The following LY96 variants were observed in gnomAD, a reference collection of about 807,000 sequenced individuals.
The protein encoded by LY96 is myeloid differentiation protein-2.
LY96 carries 18 observed loss-of-function variants against 18.9 expected under a neutral mutation model. The ratio of observed to expected loss-of-function variants is 0.95; its 90% CI spans 0.66 to 1.41. The LOEUF (loss-of-function observed/expected upper bound fraction) is 1.41. Ranked by LOEUF, LY96 falls within the 40% of genes most tolerant of loss-of-function variation. The pLI is 0.00. For synonymous variants in LY96, 66 were observed against 62.6 expected, an observed-to-expected ratio of 1.06 and a Z score of -0.26; for missense variants, 175 against 182.4, an observed-to-expected ratio of 0.96 and a Z score of 0.23.
At chr8:74,064,502 C>G in the LY96 span, among the ~76,000 whole-genome samples, 2 of 152,100 alleles carry the variant, frequency 1.3e-5, no homozygotes, top group Non-Finnish European at 2.9e-5. Context: ...TTTTCACCAG[C>G]CAACTTTAAG....
intron 1 of LY96, among the ~76,000 whole-genome samples, chr8:73,999,231 A>G (rs1335921846): frequency 6.6e-6 from 1 of 151,906 alleles, no homozygotes; most frequent in Non-Finnish European, 1.5e-5. Flanking sequence ...CAGCCTCCCA[A>G]AGTGTTGGGA....
the LY96 span, among the ~76,000 whole-genome samples, chr8:74,052,961 A>G: frequency 1.3e-5 from 2 of 152,188 alleles, no homozygotes; most frequent in Non-Finnish European, 2.9e-5. Flanking sequence ...TTTATGTGAA[A>G]ATTTAATCAG....
At chr8:74,052,574 GC>G in the LY96 span, 2 of 152,292 alleles carry the variant, frequency 1.3e-5, no homozygotes, top group African/African-American at 2.4e-5. Flanking sequence ...AGTTGTAGCA[GC>G]AAGCCCAACT....
chr8:74,015,229 A>G (rs1272838636), intron 3 of LY96, among the ~76,000 whole-genome samples: 1 of 152,188 alleles, frequency 6.6e-6, no homozygotes, highest in Non-Finnish European at 1.5e-5. Flanking sequence ...TAAGCCTGTA[A>G]GTTCTGTTAC....
the LY96 span, among the ~76,000 whole-genome samples, chr8:74,054,617 C>CTTCTTTCTTTCTTTCT: frequency 0.017 from 1,216 of 70,150 alleles, 20 homozygotes; most frequent in East Asian, 0.021. Flanking sequence ...TTTCCTTTTC[C>CTTCTTTCTTTCTTTCT]TTCTTTCTTT....
At chr8:74,076,990 GT>G in the LY96 span, among the ~76,000 whole-genome samples, 1 of 152,148 alleles carries the variant, frequency 6.6e-6, no homozygotes, top group Non-Finnish European at 1.5e-5. Flanking sequence ...CCCATGATGA[GT>G]TTGATAATTT....
At chr8:74,095,734 A>C in the LY96 span, among the ~76,000 whole-genome samples, 2 of 151,920 alleles carry the variant, frequency 1.3e-5, no homozygotes, top group African/African-American at 4.8e-5. Flanking sequence ...TTCTCTTTTC[A>C]TTGACACATC....
chr8:74,026,744 C>T, intron 3 of LY96, 45 bp from the exon 4 acceptor site: 1 of 1,122,872 alleles, frequency 8.9e-7, no homozygotes, highest in Non-Finnish European at 1.4e-6. Flanking sequence ...AAAATATCAC[C>T]TAACCGTGAC....
At chr8:74,015,200 CT>C (rs1816617426) in intron 3 of LY96, among the ~76,000 whole-genome samples, 1 of 152,078 alleles carries the variant, frequency 6.6e-6, no homozygotes, top group Non-Finnish European at 1.5e-5. Context: ...GAGCAAGATC[CT>C]GTTTAAAAAA....
chr8:73,999,149 T>C (rs1816212686), intron 1 of LY96, among the ~76,000 whole-genome samples: 1 of 152,062 alleles, frequency 6.6e-6, no homozygotes, highest in Non-Finnish European at 1.5e-5. Flanking sequence ...TTTTTATTTT[T>C]AGTAGAGATA....
intron 3 of LY96, 128 bp from the exon 4 acceptor site, chr8:74,026,661 T>G (rs566856229): frequency 1.5e-5 from 10 of 667,814 alleles, no homozygotes; most frequent in East Asian, 5.6e-5. Context: ...TATAAAAGAT[T>G]CATTATTTTT....
intron 2 of LY96, among the ~76,000 whole-genome samples, chr8:74,006,255 C>A (rs1816408661): frequency 6.6e-6 from 1 of 152,148 alleles, no homozygotes. Flanking sequence ...AGTACAGTGG[C>A]ATGATCTCGT....
At chr8:74,047,182 C>A in the LY96 span, among the ~76,000 whole-genome samples, 1 of 152,184 alleles carries the variant, frequency 6.6e-6, no homozygotes, top group Non-Finnish European at 1.5e-5. Flanking sequence ...GCCACAGCGC[C>A]CGGCCCTGAC....
At chr8:74,086,462 G>A in the LY96 span, among the ~76,000 whole-genome samples, 2 of 152,162 alleles carry the variant, frequency 1.3e-5, no homozygotes, top group Non-Finnish European at 2.9e-5. Flanking sequence ...ATCACTGCTG[G>A]TTCCAATTAA....
At chr8:74,058,017 T>C in the LY96 span, among the ~76,000 whole-genome samples, 23 of 152,286 alleles carry the variant, frequency 1.5e-4, no homozygotes, top group African/African-American at 5.5e-4. Context: ...CCTTCAATAC[T>C]TCGTGAGCCT....
chr8:74,057,227 C>G, the LY96 span, among the ~76,000 whole-genome samples: 1 of 152,180 alleles, frequency 6.6e-6, no homozygotes, highest in South Asian at 2.1e-4. Flanking sequence ...ATGCGTATCT[C>G]CTCATCAGTT....
the LY96 span, among the ~76,000 whole-genome samples, chr8:74,063,544 A>C: frequency 6.6e-6 from 1 of 152,128 alleles, no homozygotes; most frequent in Non-Finnish European, 1.5e-5. Flanking sequence ...AGTCTGTGGC[A>C]GTCCTGCTGA....
chr8:74,079,722 G>C, the LY96 span: 2 of 151,548 alleles, frequency 1.3e-5, no homozygotes, highest in South Asian at 4.2e-4. Flanking sequence ...TTTCGAAACA[G>C]GGTGTCGCTA....
downstream of LY96, among the ~76,000 whole-genome samples, chr8:74,032,505 C>T (rs1327432909): frequency 1.3e-5 from 2 of 152,220 alleles, no homozygotes; most frequent in Non-Finnish European, 2.9e-5. Context: ...TACGTACCCC[C>T]TGCTTGCTCA....
Sources: allele counts gnomAD v4.1 joint callset (sites outside exome capture counted in the v4.1 genomes callset), GRCh38; gene constraint gnomAD v4.1.1; transcripts MANE v1.5; gene names NCBI Gene and HGNC (gene_info 2026-07-23, HGNC 2026-07-21).